ABCB4: variants seen among roughly 807,000 people sequenced by gnomAD.
ABCB4 encodes phosphatidylcholine translocator ABCB4.
ABCB4 carries 76 observed loss-of-function variants against 145.7 expected under a neutral mutation model. That is an observed-to-expected ratio of 0.52 (90% CI 0.43 to 0.63). ABCB4 has a LOEUF of 0.63. Ranked by LOEUF, ABCB4 falls within the 30% of genes least tolerant of loss-of-function variation. ABCB4 has a pLI of 0.00. For missense variants in ABCB4, 1,234 were observed against 1,553.1 expected (o/e 0.79, Z 3.45); for synonymous variants, 517 against 566.8 (o/e 0.91, Z 1.25).
intron 9 of ABCB4, among the ~76,000 whole-genome samples, chr7:87,445,819 A>G (rs995809877): frequency 6.6e-6 from 1 of 152,198 alleles, no homozygotes; most frequent in Non-Finnish European, 1.5e-5. Context: ...TAGTTGCCAT[A>G]AGGTTAATGC....
intron 26 of ABCB4, among the ~76,000 whole-genome samples, chr7:87,405,174 A>T (rs1808092343): frequency 6.6e-6 from 1 of 152,222 alleles, no homozygotes; most frequent in Non-Finnish European, 1.5e-5. Flanking sequence ...GTGGAATATC[A>T]CTCAGTAATA....
At chr7:87,368,514 A>C in the ABCB4 span, among the ~76,000 whole-genome samples, 2 of 152,198 alleles carry the variant, frequency 1.3e-5, no homozygotes, top group African/African-American at 4.8e-5. Context: ...TGAGGAAATA[A>C]GGTATAAGAG....
At chr7:87,381,655 C>G in the ABCB4 span, among the ~76,000 whole-genome samples, 1 of 152,042 alleles carries the variant, frequency 6.6e-6, no homozygotes, top group African/African-American at 2.4e-5. Context: ...TTTTATACAC[C>G]CTCATGACCC....
Position 87,469,350 on chromosome 7 carries a change from T to C in ABCB4, c.135+3271A>G, listed in dbSNP as rs575754082. Reference sequence around the variant, plus strand: ...CCTCTCTCACCACTCCTATTCAACATAGTGTTGGAAGTTCTGGCCAGGGCA... The same window carrying C: ...CCTCTCTCACCACTCCTATTCAACACAGTGTTGGAAGTTCTGGCCAGGGCA... On this transcript the variant is annotated intron_variant, in intron 3 of 27. Coordinates refer to ENST00000649586, the MANE Select transcript of ABCB4 (RefSeq NM_000443.4). Among the ~76,000 whole-genome samples, 36 of 152,246 alleles carry C rather than the reference T, an allele frequency of 2.4e-4. No individual in the cohort carries two copies. In the East Asian group the frequency reaches 4.4e-3, roughly 19 times the overall value.
At chr7:87,387,663 A>G in the ABCB4 span, among the ~76,000 whole-genome samples, 1 of 152,214 alleles carries the variant, frequency 6.6e-6, no homozygotes, top group African/African-American at 2.4e-5. Context: ...AAGAAAAATC[A>G]TAAGGAGGCT....
chr7:87,424,220 T>G lies in ABCB4; in HGVS notation c.2065-168A>C, dbSNP rs541198010. On this transcript the variant is annotated intron_variant, in intron 16 of 27. Transcript: ENST00000649586. ...ACAGTATATTATAACATGTTAACAA[T>G]GTTTACTGATTACACATCATAAGCT... 3.9e-5 allele frequency among the ~76,000 whole-genome samples: 6 copies of G among 152,290 alleles called. No individual in the cohort carries two copies. In the South Asian group the frequency reaches 1.2e-3, roughly 32 times the overall value.
chr7:87,374,120 A>G, the ABCB4 span, among the ~76,000 whole-genome samples: 1 of 152,102 alleles, frequency 6.6e-6, no homozygotes, highest in Non-Finnish European at 1.5e-5. Flanking sequence ...AAAAAAATAT[A>G]TGATTCTGTA....
At chr7:87,402,995 CA>C in intron 27 of ABCB4, 139 bp downstream of exon 27, 1 of 993,988 alleles carries the variant, frequency 1.0e-6, no homozygotes, top group Non-Finnish European at 1.6e-6. Flanking sequence ...GACCCCGTCT[CA>C]AAAAAATAAA....
At chr7:87,426,034 A>T (rs188833924) in intron 16 of ABCB4, among the ~76,000 whole-genome samples, 232 of 152,290 alleles carry the variant, frequency 1.5e-3, no homozygotes, top group African/African-American at 5.1e-3. Context: ...AGCAAAAAAA[A>T]AAAATTGAAT....
intron 19 of ABCB4, 113 bp downstream of exon 19, chr7:87,419,885 G>T: frequency 1.8e-6 from 2 of 1,138,118 alleles, no homozygotes; most frequent in Non-Finnish European, 2.7e-6. Context: ...CCATCCTTGC[G>T]TGAATACCCT....
At chr7:87,422,725 G>T (rs2116519013) in intron 17 of ABCB4, among the ~76,000 whole-genome samples, 2 of 152,128 alleles carry the variant, frequency 1.3e-5, no homozygotes, top group East Asian at 3.9e-4. Context: ...ACCCAGAGGG[G>T]CCTTTCCTGA....
At chr7:87,437,455 G>C (rs1029656790) in intron 14 of ABCB4, among the ~76,000 whole-genome samples, 83 of 152,152 alleles carry the variant, frequency 5.5e-4, no homozygotes, top group Non-Finnish European at 1.0e-3. Flanking sequence ...ACACTGAATT[G>C]TTTTAAGCGT....
At chr7:87,399,842 A>G (rs1395860980), downstream of ABCB4, 3 of 152,200 alleles carry the variant, frequency 2.0e-5, no homozygotes, top group African/African-American at 7.2e-5. Context: ...TGTGTAATTA[A>G]CCATCCAAAA....
chr7:87,411,778 A>T, intron 23 of ABCB4, 115 bp downstream of exon 23: 2 of 941,604 alleles, frequency 2.1e-6, no homozygotes, highest in Non-Finnish European at 3.3e-6. Context: ...TGGTAAATTT[A>T]AATCCCTGAC....
At position 87,422,331 on chromosome 7, in the gene ABCB4, A is replaced by G. The variant is rs148386451; in HGVS notation, c.2212-106T>C. On this transcript the variant is annotated intron_variant, in intron 17 of 27. Transcript: ENST00000649586. The stretch of plus-strand genomic sequence containing the variant: ...GTCACATGTTTAAAACTAGGCTTCA[A>G]ATATGTAGGGTTTTGGTAATTGTGG... 1.9e-5 allele frequency: 16 copies of G among 860,210 alleles called. No homozygotes were observed. In the East Asian group the frequency reaches 3.7e-4, roughly 20 times the overall value. 53.3% of individuals were successfully genotyped at this position (860,210 alleles called of 1,614,324 possible).
In ABCB4 at chr7:87,401,947, A is replaced by G; in HGVS notation, c.*149T>C. ...CTAACTCTCAAATTTCAAATGCCGT[A>G]ATAAACCCCAAATTGGGTCTTCTAA... On this transcript the variant is annotated 3_prime_UTR_variant, in exon 28 of 28. Transcript: ENST00000649586. 1 of 1,108,672 alleles carries G rather than the reference A, an allele frequency of 9.0e-7. No individual in the cohort carries two copies. Among genetic ancestry groups the G allele is most frequent in the Non-Finnish European group, 1.3e-6 (1 of 753,182 alleles). 68.7% of individuals were successfully genotyped at this position (1,108,672 alleles called of 1,614,324 possible).
At position 87,406,362 on chromosome 7, in the gene ABCB4, C is replaced by G. The variant is rs144759131; in HGVS notation, c.3412G>C (p.Val1138Leu). The change falls in exon 26 of 28, where the codon GTT becomes CTT. Residue 1138 changes from valine to leucine, a missense_variant. By Grantham distance (32) the Val-to-Leu change is conservative. Transcript: ENST00000649586. Reference protein sequence around the residue: ...ENIAYGDNSRVVSQDEIVSAA... With the variant: ...ENIAYGDNSRLVSQDEIVSAA... ...CTCACAATTTCATCCTGTGATACAACCCGGCTGTTGTCTCCATAGGCAATA... is the reference window on the plus strand; with the variant it reads ...CTCACAATTTCATCCTGTGATACAAGCCGGCTGTTGTCTCCATAGGCAATA... The G allele has an allele frequency of 6.2e-7, 1 of 1,614,034 alleles. No homozygotes were observed. Among genetic ancestry groups the G allele is most frequent in the Non-Finnish European group, 8.5e-7 (1 of 1,180,006 alleles).
chr7:87,462,370 C>T (rs1562998036), intron 4 of ABCB4, among the ~76,000 whole-genome samples: 1 of 152,110 alleles, frequency 6.6e-6, no homozygotes, highest in African/African-American at 2.4e-5. Flanking sequence ...GATCTACAAG[C>T]TAAACACAGC....
intron 3 of ABCB4, among the ~76,000 whole-genome samples, chr7:87,466,252 G>C (rs1812889063): frequency 6.6e-6 from 1 of 152,192 alleles, no homozygotes; most frequent in Non-Finnish European, 1.5e-5. Context: ...TGTGACGAAA[G>C]CACAAGCTTC....
Sources: gnomAD v4.1 joint callset for allele counts (sites outside exome capture counted in the v4.1 genomes callset) on GRCh38, gnomAD v4.1.1 for gene constraint, MANE v1.5 for transcripts, NCBI Gene and HGNC (gene_info 2026-07-23, HGNC 2026-07-21) for gene names.